TUBB4B: variants seen among roughly 807,000 people sequenced by gnomAD.
TUBB4B encodes tubulin beta 4B class IVb, also known as tubulin beta-4B chain.
Under a neutral mutation model 34.3 loss-of-function variants are expected in TUBB4B, and 7 were observed. The ratio of observed to expected loss-of-function variants is 0.20; its 90% confidence interval spans 0.12 to 0.38. TUBB4B has a LOEUF of 0.38. Among genes scored for constraint, TUBB4B ranks in the 10% least tolerant of loss-of-function variants. The probability of loss-of-function intolerance (pLI) is 1.00; values close to 1 mark genes in which losing one functional copy is unlikely to be tolerated. For synonymous variants in TUBB4B, 390 were observed against 250.2 expected (o/e 1.56, Z -5.27); for missense variants, 178 against 610.9 (o/e 0.29, Z 7.47).
chr9:137,243,689 T>C lies in TUBB4B; in HGVS notation c.*133T>C. The C allele has an allele frequency of 6.2e-7, 1 of 1,614,130 alleles. No homozygotes were observed. Among genetic ancestry groups the C allele is most frequent in the Non-Finnish European group, 8.5e-7 (1 of 1,179,996 alleles). ...CATCCATGCTGTACAGACACCACCATTAAAGCATTTTCATAGTGTGTGGTT... is the reference window on the plus strand; with the variant it reads ...CATCCATGCTGTACAGACACCACCACTAAAGCATTTTCATAGTGTGTGGTT... On this transcript the variant is annotated 3_prime_UTR_variant, in exon 4 of 4. Transcript: ENST00000340384.
chr9:137,243,674 G>A lies in TUBB4B; in HGVS notation c.*118G>A. On this transcript the variant is annotated 3_prime_UTR_variant, in exon 4 of 4. Transcript: ENST00000340384. The stretch of plus-strand genomic sequence containing the variant: ...TGTTTTCCCTGTCCACATCCATGCT[G>A]TACAGACACCACCATTAAAGCATTT... 1 of 1,614,120 alleles carries A rather than the reference G, an allele frequency of 6.2e-7. No individual in the cohort carries two copies. The highest frequency in any genetic ancestry group is 1.6e-4 in the Middle Eastern group (1 of 6,062).
intron 2 of TUBB4B, 35 bp from the exon 3 acceptor site, chr9:137,241,867 ACCCCGCGGC>A (rs761849532): frequency 6.2e-7 from 1 of 1,611,314 alleles, no homozygotes; most frequent in Admixed American, 1.7e-5. Flanking sequence ...CCCTCCGGGG[ACCCCGCGGC>A]CCCTGCCTTG....
chr9:137,242,060 C>T, intron 3 of TUBB4B, 39 bp downstream of exon 3: 5 of 1,591,448 alleles, frequency 3.1e-6, no homozygotes, highest in Non-Finnish European at 4.3e-6. Flanking sequence ...GCTCAAAGGT[C>T]AAGGGGCTGC....
Position 137,242,755 on chromosome 9 carries a change from G to A in TUBB4B, c.537G>A (p.Val179=). 2 of 1,613,842 alleles carry A rather than the reference G, an allele frequency of 1.2e-6. No homozygotes were observed. The highest frequency in any genetic ancestry group is 1.7e-6 in the Non-Finnish European group (2 of 1,180,030). The change falls in exon 4 of 4, where the codon GTG becomes GTA. Residue 179 remains valine (V), a synonymous_variant. Transcript: ENST00000340384. The part of the protein sequence containing the change: ...VVPSPKVSDT[V]VEPYNATLSV... The stretch of plus-strand genomic sequence containing the variant: ...CTTCGCCCAAAGTGTCAGACACAGT[G>A]GTGGAGCCCTACAACGCCACCCTCT...
chr9:137,241,873 C>T (rs368965997), intron 2 of TUBB4B, 38 bp from the exon 3 acceptor site: 40 of 1,611,336 alleles, frequency 2.5e-5, no homozygotes, highest in East Asian at 1.8e-4. Flanking sequence ...GGGGACCCCG[C>T]GGCCCCTGCC....
At position 137,241,782 on chromosome 9, in the gene TUBB4B, G is replaced by A; in HGVS notation, c.119G>A (p.Ser40Asn). Reference protein sequence around the residue: ...IDPTGTYHGDSDLQLERINVY... With the variant: ...IDPTGTYHGDNDLQLERINVY... ...CCCACGGGCACCTACCACGGGGACA[G>A]CGACCTGCAGCTGGAACGCATCAAC... The change falls in exon 2 of 4, where the codon AGC becomes AAC. Residue 40 changes from serine to asparagine, a missense_variant. By Grantham distance (46) the Ser-to-Asn change is conservative. Coordinates refer to ENST00000340384, the MANE Select transcript of TUBB4B (RefSeq NM_006088.6). 1 of 1,612,332 alleles carries A rather than the reference G, an allele frequency of 6.2e-7. No homozygotes were observed. The highest frequency in any genetic ancestry group is 8.5e-7 in the Non-Finnish European group (1 of 1,179,600).
intron 1 of TUBB4B, 141 bp downstream of exon 1, chr9:137,241,558 G>A: frequency 1.1e-6 from 1 of 883,260 alleles, no homozygotes; most frequent in African/African-American, 1.8e-5. Context: ...TGGCCGAGCC[G>A]GGCGACCGAA....
chr9:137,243,598 CT>C lies in TUBB4B; in HGVS notation c.*45del, dbSNP rs770986375. The C allele has an allele frequency of 1.9e-6, 3 of 1,613,328 alleles. No individual in the cohort carries two copies. Among genetic ancestry groups the C allele is most frequent in the Admixed American group, 3.3e-5 (2 of 60,016 alleles). The stretch of plus-strand genomic sequence containing the variant: ...GGAAAGCAGGGAAGCAGTGTGAACT[CT>C]TTATTCACTCCCAGCCTGTCCTGTG... On this transcript the variant is annotated 3_prime_UTR_variant, in exon 4 of 4. Coordinates refer to ENST00000340384, the MANE Select transcript of TUBB4B (RefSeq NM_006088.6).
Position 137,242,962 on chromosome 9 carries a change from T to C in TUBB4B, c.744T>C (p.Ala248=). Residue 248 remains alanine, a synonymous_variant, in exon 4 of 4, where the codon GCT becomes GCC. Transcript: ENST00000340384. ...TCLRFPGQLN[A]DLRKLAVNMV... is the part of the protein sequence containing the mutation. Reference sequence around the variant, plus strand: ...TGCGCTTCCCAGGCCAGCTCAATGCTGACCTGCGGAAGCTGGCTGTGAACA... The same window carrying C: ...TGCGCTTCCCAGGCCAGCTCAATGCCGACCTGCGGAAGCTGGCTGTGAACA... The C allele has an allele frequency of 6.2e-7, 1 of 1,613,132 alleles. No individual in the cohort carries two copies. The highest frequency in any genetic ancestry group is 8.5e-7 in the Non-Finnish European group (1 of 1,180,028).
chr9:137,241,569 G>GC (rs1165377717), intron 1 of TUBB4B, 152 bp downstream of exon 1: 4 of 793,070 alleles, frequency 5.0e-6, no homozygotes, highest in Non-Finnish European at 6.2e-6. Context: ...GGCGACCGAA[G>GC]CCCCCAGGAA....
Position 137,243,620 on chromosome 9 carries a change from C to T in TUBB4B, c.*64C>T, listed in dbSNP as rs1031833006. 1.5e-4 allele frequency: 235 copies of T among 1,612,662 alleles called. No individual in the cohort carries two copies. The highest frequency in any genetic ancestry group is 1.9e-4 in the Non-Finnish European group (226 of 1,178,886). On this transcript the variant is annotated 3_prime_UTR_variant, in exon 4 of 4. Transcript: ENST00000340384. ...ACTCTTTATTCACTCCCAGCCTGTC[C>T]TGTGGCCTGTCCCACTGTGTGCACT...
Position 137,241,353 on chromosome 9 carries a change from C to T in TUBB4B, c.-8C>T. On this transcript the variant is annotated 5_prime_UTR_variant, in exon 1 of 4. Transcript: ENST00000340384. ...TCCTCCTGCTTCCCCGCCGCCGCCG[C>T]CGCCATCATGAGGGAAATCGTGCAC... The T allele has an allele frequency of 1.9e-6, 3 of 1,600,786 alleles. No homozygotes were observed. Among genetic ancestry groups the T allele is most frequent in the Non-Finnish European group, 2.5e-6 (3 of 1,177,448 alleles).
chr9:137,242,066 G>T, intron 3 of TUBB4B, 45 bp downstream of exon 3: 1 of 1,580,572 alleles, frequency 6.3e-7, no homozygotes, highest in South Asian at 1.1e-5. Context: ...AGGTCAAGGG[G>T]CTGCTCCAAG....
In TUBB4B at chr9:137,241,311, G is replaced by C. The variant is rs572536677; in HGVS notation, c.-50G>C. The C allele has an allele frequency of 1.9e-6, 3 of 1,578,312 alleles. No homozygotes were observed. The highest frequency in any genetic ancestry group is 1.7e-5 in the Admixed American group (1 of 58,184). On this transcript the variant is annotated 5_prime_UTR_variant, in exon 1 of 4. Transcript: ENST00000340384. ...TAGCACTCTGCGCGCCCGCTCTTCT[G>C]CTGCTGTTTGTCTACTTCCTCCTGC...
chr9:137,241,844 C>G lies in TUBB4B; in HGVS notation c.166+15C>G, dbSNP rs1301200157. 16 of 1,611,954 alleles carry G rather than the reference C, an allele frequency of 9.9e-6. No homozygotes were observed. The highest frequency in any genetic ancestry group is 1.3e-5 in the African/African-American group (1 of 74,918). ...TGAGGCCACCGGTGAGGCCCCGGCC[C>G]CTTCCCCGACCGCCCTCCGGGGACC... On this transcript the variant is annotated intron_variant, in intron 2 of 3. Coordinates refer to ENST00000340384, the MANE Select transcript of TUBB4B (RefSeq NM_006088.6).
At chr9:137,241,875 G>T in intron 2 of TUBB4B, 36 bp from the exon 3 acceptor site, 3 of 1,611,586 alleles carry the variant, frequency 1.9e-6, no homozygotes, top group African/African-American at 1.3e-5. Flanking sequence ...GGACCCCGCG[G>T]CCCCTGCCTT....
At position 137,241,729 on chromosome 9, in the gene TUBB4B, G is replaced by A. The variant is rs1490804439; in HGVS notation, c.66G>A (p.Glu22=). The change falls in exon 2 of 4, where the codon GAG becomes GAA. Residue 22 remains glutamate, a synonymous_variant. Transcript: ENST00000340384. ...CGNQIGAKFW[E]VISDEHGIDP... The stretch of plus-strand genomic sequence containing the variant: ...GCCCGCGTCCCTTGTAGTTTTGGGA[G>A]GTGATCAGCGATGAGCACGGCATCG... The A allele has an allele frequency of 6.2e-7, 1 of 1,611,216 alleles. No individual in the cohort carries two copies. The highest frequency in any genetic ancestry group is 8.5e-7 in the Non-Finnish European group (1 of 1,179,110).
Position 137,241,798 on chromosome 9 carries a change from A to G in TUBB4B, c.135A>G (p.Glu45=). The stretch of plus-strand genomic sequence containing the variant: ...ACGGGGACAGCGACCTGCAGCTGGA[A>G]CGCATCAACGTGTACTACAATGAGG... ...TYHGDSDLQL[E]RINVYYNEAT... The change falls in exon 2 of 4, where the codon GAA becomes GAG. Residue 45 remains glutamate (E), a synonymous_variant. Transcript: ENST00000340384. 3 of 1,612,320 alleles carry G rather than the reference A, an allele frequency of 1.9e-6. No individual in the cohort carries two copies. The highest frequency in any genetic ancestry group is 2.7e-5 in the African/African-American group (2 of 75,018).
At chr9:137,242,432 G>A (rs1836774828) in intron 3 of TUBB4B, 64 bp from the exon 4 acceptor site, 14 of 1,558,542 alleles carry the variant, frequency 9.0e-6, no homozygotes, top group Admixed American at 1.8e-5. Context: ...GGCTTTTTTC[G>A]CATGGCGGTG....
Sources: gnomAD v4.1 joint callset for allele counts on GRCh38, gnomAD v4.1.1 for gene constraint, MANE v1.5 for transcripts, NCBI Gene and HGNC (gene_info 2026-07-23, HGNC 2026-07-21) for gene names.